The following MMP16 variants were observed in gnomAD, a reference collection of about 807,000 sequenced individuals.
MMP16 encodes the protein matrix metalloproteinase-16.
Under a neutral mutation model 67.8 loss-of-function variants are expected in MMP16, and 12 were observed. The ratio of observed to expected loss-of-function variants is 0.18; its 90% CI spans 0.11 to 0.29. The LOEUF (loss-of-function observed/expected upper bound fraction) is 0.29. MMP16 is among the 10% of genes least tolerant of loss of function. MMP16 has a pLI of 1.00. For synonymous variants in MMP16, 249 were observed against 255.9 expected (o/e 0.97, Z 0.26); for missense variants, 475 against 765.7 (o/e 0.62, Z 4.48).
Position 88,118,719 on chromosome 8 carries a change from C to T in MMP16, c.852G>A (p.Gln284=). Residue 284 remains glutamine, a synonymous_variant, in exon 5 of 10, where the codon CAG becomes CAA. Transcript: ENST00000286614. ...DNFKLPNDDL[Q]GIQKIYGPPD... ...ACCTACCATATATCTTCTGGATGCC[C>T]TGTAAATCATCATTAGGTAGTTTGA... 6.2e-7 allele frequency: 1 copy of T among 1,613,188 alleles called. No individual in the cohort carries two copies.
At chr8:88,133,823 T>C (rs1026574074) in intron 4 of MMP16, among the ~76,000 whole-genome samples, 1 of 151,822 alleles carries the variant, frequency 6.6e-6, no homozygotes, top group Non-Finnish European at 1.5e-5. Flanking sequence ...CATATCATCA[T>C]CTAACATATT....
chr8:88,295,533 T>C (rs1810998014), intron 1 of MMP16, among the ~76,000 whole-genome samples: 1 of 152,218 alleles, frequency 6.6e-6, no homozygotes, highest in Non-Finnish European at 1.5e-5. Context: ...GGGAACTTTA[T>C]ACTACAGAGG....
intron 4 of MMP16, among the ~76,000 whole-genome samples, chr8:88,157,926 G>T (rs1333947965): frequency 1.3e-5 from 2 of 151,730 alleles, no homozygotes; most frequent in Non-Finnish European, 1.5e-5. Flanking sequence ...GCAGTGTTTG[G>T]TTTTTTGTCC....
At chr8:88,175,468 T>A (rs775276180) in intron 3 of MMP16, among the ~76,000 whole-genome samples, 18 of 152,222 alleles carry the variant, frequency 1.2e-4, no homozygotes, top group Non-Finnish European at 1.8e-4. Context: ...GGCAATTTCT[T>A]AACACCTTAC....
At chr8:88,159,950 T>G (rs1025172408) in intron 4 of MMP16, among the ~76,000 whole-genome samples, 7 of 151,502 alleles carry the variant, frequency 4.6e-5, no homozygotes, top group African/African-American at 1.7e-4. Flanking sequence ...ATTTGTTGTT[T>G]TTTTTTCAAA....
chr8:88,252,050 T>C (rs1810233738), intron 1 of MMP16, among the ~76,000 whole-genome samples: 1 of 126,638 alleles, frequency 7.9e-6, no homozygotes, highest in Non-Finnish European at 1.7e-5. Context: ...TTGGTGGGAC[T>C]GTAAACTAGT....
chr8:88,148,063 T>G (rs1363438052), intron 4 of MMP16, among the ~76,000 whole-genome samples: 1 of 152,192 alleles, frequency 6.6e-6, no homozygotes, highest in Non-Finnish European at 1.5e-5. Flanking sequence ...TCTATCCTTT[T>G]GTTCACAAAA....
intron 1 of MMP16, among the ~76,000 whole-genome samples, chr8:88,222,610 T>G (rs1272379419): frequency 1.3e-5 from 2 of 152,146 alleles, no homozygotes; most frequent in Admixed American, 6.5e-5. Context: ...ATTCCCTATT[T>G]AATAAATGGT....
In MMP16 at chr8:88,271,947, C is replaced by T. The variant is rs117283071; in HGVS notation, c.132+55128G>A. Among the ~76,000 whole-genome samples the T allele has an allele frequency of 8.1e-4, 123 of 152,242 alleles. 1 individual carries two copies. The East Asian group carries it at 0.019, about 24-fold the overall frequency. ...AGAGAAGGCAGAATTTGAACATTGG[C>T]TCAGCAATTTACCAGCTAAGAGATA... On this transcript the variant is annotated intron_variant, in intron 1 of 9. Transcript: ENST00000286614.
intron 7 of MMP16, among the ~76,000 whole-genome samples, chr8:88,068,266 C>G (rs2664344): frequency 0.53 from 80,033 of 151,848 alleles, 21,614 homozygotes; most frequent in East Asian, 0.71. Flanking sequence ...TGTTTGTTTT[C>G]TTTTTATTGA....
In MMP16 at chr8:88,327,445, C is replaced by T. The variant is rs1009644508; in HGVS notation, c.-239G>A. The T allele has an allele frequency of 2.0e-6, 1 of 490,280 alleles. No homozygotes were observed. Among genetic ancestry groups the T allele is most frequent in the Non-Finnish European group, 3.7e-6 (1 of 268,030 alleles). 30.4% of individuals were successfully genotyped at this position (490,280 alleles called of 1,614,324 possible). A position where few individuals can be genotyped will look rare whatever the true frequency, so the allele number is the denominator to read the frequency against. ...TTCACCATCCTCCGGGGTCAGTCAC[C>T]GGGAACGTGGCGCCTAAGTTCACCG... On this transcript the variant is annotated 5_prime_UTR_variant, in exon 1 of 10. Transcript: ENST00000286614.
intron 6 of MMP16, among the ~76,000 whole-genome samples, chr8:88,098,292 G>C (rs1000131338): frequency 6.6e-6 from 1 of 152,028 alleles, no homozygotes. Context: ...GTGCTCATCT[G>C]AGTTTCAGTG....
chr8:88,186,782 C>T (rs931863144), intron 2 of MMP16, among the ~76,000 whole-genome samples, 184 bp from the exon 3 acceptor site: 1 of 152,020 alleles, frequency 6.6e-6, no homozygotes, highest in African/African-American at 2.4e-5. Context: ...AAGTAGATAG[C>T]ATAGTTTTTC....
intron 7 of MMP16, among the ~76,000 whole-genome samples, chr8:88,067,603 A>T (rs1808480018): frequency 6.6e-6 from 1 of 152,116 alleles, no homozygotes; most frequent in Admixed American, 6.6e-5. Flanking sequence ...CAGGGAACCA[A>T]TGAGGCACTT....
At chr8:88,130,025 TAAGAA>T (rs1196624953) in intron 4 of MMP16, among the ~76,000 whole-genome samples, 2 of 151,780 alleles carry the variant, frequency 1.3e-5, no homozygotes, top group Non-Finnish European at 2.9e-5. Flanking sequence ...TTGATGCTAA[TAAGAA>T]AAGACAAATG....
At chr8:88,151,368 A>G (rs1197714294) in intron 4 of MMP16, among the ~76,000 whole-genome samples, 2 of 150,054 alleles carry the variant, frequency 1.3e-5, no homozygotes, top group Admixed American at 6.6e-5. Flanking sequence ...CGGACCTAAT[A>G]GACATCTACA....
intron 1 of MMP16, among the ~76,000 whole-genome samples, chr8:88,227,059 CTG>C (rs966555369): frequency 3.2e-4 from 48 of 151,982 alleles, no homozygotes; most frequent in African/African-American, 1.1e-3. Context: ...AATCAGGCAA[CTG>C]TGTTTTATAA....
At chr8:88,321,399 T>G (rs746070867) in intron 1 of MMP16, among the ~76,000 whole-genome samples, 8 of 152,178 alleles carry the variant, frequency 5.3e-5, no homozygotes, top group Non-Finnish European at 1.0e-4. Flanking sequence ...TTACCACTTG[T>G]AGATGATATT....
At chr8:88,225,746 A>T (rs1238202063) in intron 1 of MMP16, among the ~76,000 whole-genome samples, 3 of 151,872 alleles carry the variant, frequency 2.0e-5, no homozygotes, top group South Asian at 2.1e-4. Context: ...TGCCTTCTAG[A>T]AAAGGTGTAC....
Sources: gnomAD v4.1 joint callset for allele counts (sites outside exome capture counted in the v4.1 genomes callset) on GRCh38, gnomAD v4.1.1 for gene constraint, MANE v1.5 for transcripts, NCBI Gene and HGNC (gene_info 2026-07-23, HGNC 2026-07-21) for gene names.